SGCD: variants seen among roughly 807,000 people sequenced by gnomAD.
SGCD encodes delta-sarcoglycan.
A neutral mutation model predicts 36.6 loss-of-function variants in SGCD; 18 were observed. That is an observed-to-expected ratio of 0.49 (90% CI 0.34 to 0.73). SGCD has a LOEUF of 0.73. Among genes scored for constraint, SGCD ranks in the 30% least tolerant of loss-of-function variants. The pLI is 0.01. For synonymous variants in SGCD, 133 were observed against 130.6 expected (o/e 1.02, Z -0.12); for missense variants, 387 against 346.7 (o/e 1.12, Z -0.92).
the SGCD span, among the ~76,000 whole-genome samples, chr5:155,729,828 G>A: frequency 6.6e-6 from 1 of 152,218 alleles, no homozygotes. Flanking sequence ...GCCCGATTGA[G>A]GTTTCAACTT....
intron 3 of SGCD, among the ~76,000 whole-genome samples, chr5:156,285,896 A>C (rs1340219587): frequency 6.6e-6 from 1 of 152,284 alleles, no homozygotes; most frequent in South Asian, 2.1e-4. Context: ...CAACCTACAA[A>C]ATGGGAGAAA....
At chr5:155,935,058 A>C (rs1038637175) in intron 1 of SGCD, among the ~76,000 whole-genome samples, 1 of 152,120 alleles carries the variant, frequency 6.6e-6, no homozygotes, top group South Asian at 2.1e-4. Flanking sequence ...TTTTGTGACT[A>C]GTTTTGGGGC....
Position 156,065,361 on chromosome 5 carries a change from T to C in SGCD, c.-281-52517T>C, listed in dbSNP as rs1348896852. 2.6e-4 allele frequency among the ~76,000 whole-genome samples: 31 copies of C among 118,776 alleles called. 1 individual carries two copies. Among genetic ancestry groups the C allele is most frequent in the African/African-American group, 1.2e-3 (29 of 25,180 alleles). The allele number at this position is 118,776 out of a possible 152,430, so 77.9% of individuals were successfully genotyped here. A position where few individuals can be genotyped will look rare whatever the true frequency, so the allele number is the denominator to read the frequency against. Reference sequence around the variant, plus strand: ...GAGGAGAGCTTTACTTCCAACTATGTGGTCAATTTTGGAATAGGTGTGGTG... The same window carrying C: ...GAGGAGAGCTTTACTTCCAACTATGCGGTCAATTTTGGAATAGGTGTGGTG... On this transcript the variant is annotated intron_variant, in intron 1 of 9. Transcript: ENST00000517913.
the SGCD span, among the ~76,000 whole-genome samples, chr5:155,821,133 A>C: frequency 3.9e-5 from 6 of 152,344 alleles, no homozygotes; most frequent in Admixed American, 3.9e-4. Flanking sequence ...CTAATTACCC[A>C]GCATATACTT....
At chr5:156,369,332 T>A (rs1293726452) in intron 3 of SGCD, among the ~76,000 whole-genome samples, 1 of 152,092 alleles carries the variant, frequency 6.6e-6, no homozygotes. Flanking sequence ...GGATTAGGAG[T>A]CAAGACATCC....
chr5:155,900,933 A>G (rs1756375094), intron 1 of SGCD, among the ~76,000 whole-genome samples: 2 of 152,156 alleles, frequency 1.3e-5, no homozygotes, highest in Non-Finnish European at 2.9e-5. Flanking sequence ...GAACGTATTT[A>G]TCATTAAGGA....
intron 4 of SGCD, among the ~76,000 whole-genome samples, chr5:156,528,583 G>A (rs1430339794): frequency 6.6e-6 from 1 of 152,116 alleles, no homozygotes; most frequent in African/African-American, 2.4e-5. Context: ...ATCTGTATTA[G>A]CTACATACTA....
At chr5:156,252,519 A>G (rs1235624405) in intron 3 of SGCD, among the ~76,000 whole-genome samples, 6 of 152,178 alleles carry the variant, frequency 3.9e-5, no homozygotes, top group Non-Finnish European at 8.8e-5. Context: ...TTTAATTGTC[A>G]AGAGATTCTG....
intron 1 of SGCD, among the ~76,000 whole-genome samples, chr5:156,328,807 G>A (rs1049639448): frequency 9.9e-5 from 15 of 152,004 alleles, no homozygotes; most frequent in African/African-American, 3.6e-4. Flanking sequence ...GGAAAGGAAG[G>A]GGGTGTAGTT....
At chr5:156,128,474 G>C (rs1762232744) in intron 3 of SGCD, among the ~76,000 whole-genome samples, 1 of 145,118 alleles carries the variant, frequency 6.9e-6, no homozygotes, top group African/African-American at 2.7e-5. Flanking sequence ...CAACTCAGAT[G>C]TCTAACAAAA....
At chr5:156,083,268 T>C (rs539247559) in intron 1 of SGCD, among the ~76,000 whole-genome samples, 1 of 152,230 alleles carries the variant, frequency 6.6e-6, no homozygotes, top group South Asian at 2.1e-4. Context: ...TTTTAAATTT[T>C]GATGACATTA....
At chr5:156,315,528 G>A (rs1767495546) in intron 3 of SGCD, among the ~76,000 whole-genome samples, 1 of 151,956 alleles carries the variant, frequency 6.6e-6, no homozygotes, top group South Asian at 2.1e-4. Flanking sequence ...ACATGGGAGG[G>A]TAAGCATCTC....
chr5:155,774,775 A>G, the SGCD span, among the ~76,000 whole-genome samples: 3 of 152,134 alleles, frequency 2.0e-5, no homozygotes, highest in African/African-American at 7.2e-5. Flanking sequence ...CAAGGTCCTT[A>G]ACTTGATCAT....
intron 4 of SGCD, among the ~76,000 whole-genome samples, chr5:156,531,164 C>T (rs1005557732): frequency 2.3e-4 from 35 of 152,308 alleles, no homozygotes; most frequent in Non-Finnish European, 4.8e-4. Context: ...CCTGTCTCCT[C>T]TTCTGCCATG....
chr5:156,427,491 G>A (rs1194651804), intron 3 of SGCD, among the ~76,000 whole-genome samples: 1 of 152,046 alleles, frequency 6.6e-6, no homozygotes, highest in Non-Finnish European at 1.5e-5. Flanking sequence ...AACAGCGACA[G>A]TTTTACTTCC....
At chr5:156,722,876 A>AC (rs954918266) in intron 7 of SGCD, among the ~76,000 whole-genome samples, 2 of 152,096 alleles carry the variant, frequency 1.3e-5, no homozygotes, top group Non-Finnish European at 2.9e-5. Flanking sequence ...ACATCCTATC[A>AC]CCTTTTTGTG....
At chr5:156,542,546 A>C (rs1048590387) in intron 4 of SGCD, among the ~76,000 whole-genome samples, 4 of 152,206 alleles carry the variant, frequency 2.6e-5, no homozygotes, top group Non-Finnish European at 5.9e-5. Flanking sequence ...TCTTTCATAT[A>C]CTGCTAGGCA....
intron 3 of SGCD, among the ~76,000 whole-genome samples, chr5:156,472,162 T>TA (rs1755000197): frequency 6.6e-6 from 1 of 152,156 alleles, no homozygotes. Flanking sequence ...GCTGAGACTG[T>TA]AAAAAAGCGT....
intron 3 of SGCD, among the ~76,000 whole-genome samples, chr5:156,173,971 T>C (rs76490663): frequency 0.014 from 2,187 of 152,304 alleles, 25 homozygotes; most frequent in Non-Finnish European, 0.024. Flanking sequence ...ACACATACAA[T>C]GAGCATAATT....
Sources: allele counts gnomAD v4.1 joint callset (sites outside exome capture counted in the v4.1 genomes callset), GRCh38; gene constraint gnomAD v4.1.1; transcripts MANE v1.5; gene names NCBI Gene and HGNC (gene_info 2026-07-23, HGNC 2026-07-21).